The following ANO6 variants were observed in gnomAD, a reference collection of about 807,000 sequenced individuals.
The protein encoded by ANO6 is anoctamin-6.
A neutral mutation model predicts 117.5 loss-of-function variants in ANO6; 106 were observed. The ratio of observed to expected loss-of-function variants is 0.90; its 90% confidence interval spans 0.77 to 1.06. The LOEUF (loss-of-function observed/expected upper bound fraction) is 1.06, where lower values mean the gene tolerates loss of function less well. Ranked by LOEUF, ANO6 falls within the 50% of genes least tolerant of loss-of-function variation. ANO6 has a pLI of 0.00. For synonymous variants in ANO6, 367 were observed against 385.1 expected (o/e 0.95, Z 0.55); for missense variants, 955 against 1,121.1 (o/e 0.85, Z 2.12).
intron 2 of ANO6, among the ~76,000 whole-genome samples, chr12:45,320,054 A>G (rs536205680): frequency 1.3e-5 from 2 of 152,020 alleles, no homozygotes; most frequent in South Asian, 2.1e-4. Context: ...TTTGTTGATC[A>G]TTTCAAAAAA....
At chr12:45,267,622 C>G (rs1009512361) in intron 1 of ANO6, among the ~76,000 whole-genome samples, 3 of 152,048 alleles carry the variant, frequency 2.0e-5, no homozygotes, top group Admixed American at 1.3e-4. Flanking sequence ...GAAACCCCGT[C>G]TCTACTAAAA....
intron 1 of ANO6, among the ~76,000 whole-genome samples, chr12:45,275,339 A>G (rs1184106691): frequency 2.0e-5 from 3 of 152,002 alleles, no homozygotes; most frequent in African/African-American, 7.3e-5. Flanking sequence ...CCTCCCAAGT[A>G]GCTGGGATTA....
At chr12:45,318,582 G>A (rs1434551016) in intron 2 of ANO6, among the ~76,000 whole-genome samples, 10 of 152,106 alleles carry the variant, frequency 6.6e-5, no homozygotes, top group Admixed American at 5.9e-4. Context: ...TGTTCTTTTG[G>A]CTTAGGATTG....
intron 17 of ANO6, among the ~76,000 whole-genome samples, chr12:45,418,284 T>C (rs1429766491): frequency 2.0e-5 from 3 of 152,216 alleles, no homozygotes; most frequent in Non-Finnish European, 4.4e-5. Context: ...CTGAATTGCA[T>C]GCTATCTGTA....
chr12:45,283,349 G>A (rs528195380), intron 1 of ANO6, among the ~76,000 whole-genome samples: 2 of 152,282 alleles, frequency 1.3e-5, no homozygotes, highest in African/African-American at 4.8e-5. Flanking sequence ...AAGAAGTCCT[G>A]TGGGAATGGG....
intron 1 of ANO6, among the ~76,000 whole-genome samples, chr12:45,242,170 C>T (rs1326969682): frequency 6.6e-6 from 1 of 152,244 alleles, no homozygotes; most frequent in African/African-American, 2.4e-5. Context: ...ATGCCGTGCC[C>T]ACGAAGGTGG....
intron 1 of ANO6, among the ~76,000 whole-genome samples, chr12:45,228,556 A>G (rs1011943727): frequency 2.0e-5 from 3 of 152,144 alleles, no homozygotes; most frequent in Non-Finnish European, 4.4e-5. Context: ...GAGTCTTTAG[A>G]ATATCACAGG....
chr12:45,429,138 T>C lies in ANO6; in HGVS notation c.2560T>C (p.Tyr854His). The C allele has an allele frequency of 6.2e-7, 1 of 1,613,838 alleles. No homozygotes were observed. The highest frequency in any genetic ancestry group is 8.5e-7 in the Non-Finnish European group (1 of 1,179,906). ...CTACTCTGTGAAATTTTTCATTTCA[T>C]ATGCAATTCCCGATGTATCAAAACG... The part of the protein sequence containing the change: ...VIYSVKFFIS[Y>H]AIPDVSKRTK... The change falls in exon 20 of 20, where the codon TAT becomes CAT. Residue 854 changes from tyrosine to histidine, a missense_variant. Transcript: ENST00000320560.
chr12:45,230,797 A>C (rs1344869059), intron 1 of ANO6, among the ~76,000 whole-genome samples: 2 of 152,188 alleles, frequency 1.3e-5, no homozygotes, highest in South Asian at 2.1e-4. Flanking sequence ...GATCATGTGA[A>C]TTTTTAATAA....
intron 2 of ANO6, among the ~76,000 whole-genome samples, chr12:45,326,225 A>G (rs986441913): frequency 3.9e-5 from 6 of 152,306 alleles, no homozygotes; most frequent in African/African-American, 1.4e-4. Context: ...CTTGCATACA[A>G]GGCATTTCAT....
chr12:45,405,540 TAG>T (rs1290803689), intron 15 of ANO6, among the ~76,000 whole-genome samples: 1 of 152,322 alleles, frequency 6.6e-6, no homozygotes, highest in African/African-American at 2.4e-5. Context: ...TTAGCCAAAT[TAG>T]AGAGTGACTG....
At chr12:45,392,933 C>T (rs1055609104) in intron 12 of ANO6, among the ~76,000 whole-genome samples, 2 of 152,230 alleles carry the variant, frequency 1.3e-5, no homozygotes, top group Non-Finnish European at 1.5e-5. Context: ...CAGAGCATCT[C>T]TTCCCCTCCA....
At chr12:45,351,101 A>C (rs1233660225) in intron 7 of ANO6, among the ~76,000 whole-genome samples, 1 of 152,148 alleles carries the variant, frequency 6.6e-6, no homozygotes, top group Non-Finnish European at 1.5e-5. Flanking sequence ...CTAGAGGTCC[A>C]CCATGAGCCA....
intron 19 of ANO6, chr12:45,439,614 A>G (rs556006967): frequency 4.6e-6 from 6 of 1,318,124 alleles, no homozygotes; most frequent in Admixed American, 6.8e-5. Context: ...TGAAGACAAT[A>G]ATTACCAGAG....
intron 1 of ANO6, among the ~76,000 whole-genome samples, chr12:45,246,035 C>T (rs894914732): frequency 5.3e-5 from 8 of 151,806 alleles, no homozygotes; most frequent in East Asian, 1.9e-4. Flanking sequence ...CTTATGTTAC[C>T]GAATTAGATT....
chr12:45,261,396 A>G (rs1206994241), intron 1 of ANO6, among the ~76,000 whole-genome samples: 2 of 152,224 alleles, frequency 1.3e-5, no homozygotes, highest in Admixed American at 6.5e-5. Flanking sequence ...AAGGAAGGAA[A>G]TTAATGATAT....
downstream of ANO6, among the ~76,000 whole-genome samples, chr12:45,435,455 C>G (rs145904055): frequency 8.0e-4 from 122 of 152,292 alleles, no homozygotes; most frequent in African/African-American, 2.6e-3. Flanking sequence ...CTTAGGAACT[C>G]TTTGACCAAG....
exon 20 of ANO6, chr12:45,439,929 C>G (rs1943752219): frequency 6.8e-7 from 1 of 1,479,668 alleles, no homozygotes; most frequent in South Asian, 1.5e-5. Flanking sequence ...TATCGAATTT[C>G]TTAAGTTAGA....
At position 45,430,757 on chromosome 12, in the gene ANO6, C is replaced by A; in HGVS notation, c.*1446C>A. 1 of 985,460 alleles carries A rather than the reference C, an allele frequency of 1.0e-6. No individual in the cohort carries two copies. The highest frequency in any genetic ancestry group is 1.2e-6 in the Non-Finnish European group (1 of 829,970). The allele number at this position is 985,460 out of a possible 1,614,324, so 61.0% of individuals were successfully genotyped here. A position where few individuals can be genotyped will look rare whatever the true frequency, so the allele number is the denominator to read the frequency against. On this transcript the variant is annotated 3_prime_UTR_variant, in exon 20 of 20. Coordinates refer to ENST00000320560, the MANE Select transcript of ANO6 (RefSeq NM_001025356.3). ...CCTCACTTTTGCTCAGCCTAGCAGT[C>A]TACTTCACTTTATTGCCTTGTAAGT... is the stretch of plus-strand genomic sequence containing the variant.
Sources: allele counts gnomAD v4.1 joint callset (sites outside exome capture counted in the v4.1 genomes callset), GRCh38; gene constraint gnomAD v4.1.1; transcripts MANE v1.5; gene names NCBI Gene and HGNC (gene_info 2026-07-23, HGNC 2026-07-21).